The following MRPL22 variants were observed in gnomAD, a reference collection of about 807,000 sequenced individuals.
MRPL22 encodes the protein mitochondrial ribosomal protein L22.
A neutral mutation model predicts 32.4 loss-of-function variants in MRPL22; 27 were observed. The observed-to-expected ratio is 0.83, with a 90% CI of 0.61 to 1.15. The LOEUF (loss-of-function observed/expected upper bound fraction) is 1.15, where lower values mean the gene tolerates loss of function less well. Ranked by LOEUF, MRPL22 falls within the 50% of genes most tolerant of loss-of-function variation. MRPL22 has a pLI of 0.00. For synonymous variants in MRPL22, 86 were observed against 87.3 expected (o/e 0.99, Z 0.08); for missense variants, 239 against 260.2 (o/e 0.92, Z 0.56).
rs575076730 is a variant in MRPL22, at chr5:154,960,676, G to A, written c.409+627G>A. Among the ~76,000 whole-genome samples the A allele has an allele frequency of 8.3e-4, 127 of 152,306 alleles. 2 individuals carry two copies. The highest frequency in any genetic ancestry group is 6.8e-3 in the Middle Eastern group (2 of 294). ...AATGCTTTGGGAAGCATGATGTGCT[G>A]TACAAATGTAAGGAATCTTTTTGCT... On this transcript the variant is annotated intron_variant, in intron 6 of 6. Transcript: ENST00000523037.
At chr5:154,965,819 C>G (rs1263752009) in intron 6 of MRPL22, among the ~76,000 whole-genome samples, 1 of 152,128 alleles carries the variant, frequency 6.6e-6, no homozygotes, top group Admixed American at 6.5e-5. Context: ...TGCCAGAGTT[C>G]CTAAAACTGG....
chr5:154,951,183 C>A (rs1356885038), intron 3 of MRPL22, among the ~76,000 whole-genome samples: 1 of 152,200 alleles, frequency 6.6e-6, no homozygotes, highest in South Asian at 2.1e-4. Flanking sequence ...TTAAGACATA[C>A]TGATTTTTGA....
intron 6 of MRPL22, among the ~76,000 whole-genome samples, chr5:154,960,382 T>G (rs558536891): frequency 4.1e-4 from 63 of 152,316 alleles, no homozygotes; most frequent in African/African-American, 1.4e-3. Flanking sequence ...TTAAAGTTGT[T>G]TGTCAACCAG....
chr5:154,954,499 C>T (rs1764607045), intron 3 of MRPL22, among the ~76,000 whole-genome samples: 1 of 152,206 alleles, frequency 6.6e-6, no homozygotes, highest in African/African-American at 2.4e-5. Flanking sequence ...ACTAGGTCTT[C>T]TGACCTCCAC....
chr5:154,941,314 A>G (rs1281973156), intron 2 of MRPL22, 49 bp downstream of exon 2: 2 of 1,609,826 alleles, frequency 1.2e-6, no homozygotes, highest in Non-Finnish European at 8.5e-7. Context: ...CATCTTTAGT[A>G]TTCTGCCAGT....
At position 154,968,765 on chromosome 5, in the gene MRPL22, T is replaced by G. The variant is rs1464247949; in HGVS notation, c.*1868T>G. On this transcript the variant is annotated 3_prime_UTR_variant, in exon 7 of 7. Coordinates refer to ENST00000523037, the MANE Select transcript of MRPL22 (RefSeq NM_014180.4). ...CCATGGACATCATAAATATAAATTA[T>G]GTAAGTGAAGGCACTGCTTCAGTCA... The G allele has an allele frequency of 6.6e-6, 1 of 152,146 alleles. No homozygotes were observed. The highest frequency in any genetic ancestry group is 1.9e-4 in the East Asian group (1 of 5,204). The allele number at this position is 152,146 out of a possible 1,614,324, so 9.4% of individuals were successfully genotyped here. A position where few individuals can be genotyped will look rare whatever the true frequency, so the allele number is the denominator to read the frequency against.
chr5:154,950,188 A>G (rs768942210), intron 2 of MRPL22, among the ~76,000 whole-genome samples: 1 of 152,150 alleles, frequency 6.6e-6, no homozygotes, highest in Non-Finnish European at 1.5e-5. Context: ...TTAAACCATC[A>G]GATCTCATGA....
In MRPL22 at chr5:154,957,271, G is replaced by A. The variant is rs1305480865; in HGVS notation, c.339+59G>A. On this transcript the variant is annotated intron_variant, in intron 5 of 6. Transcript: ENST00000523037. ...GGGAACTGGGGAATGCAGCTGTCTT[G>A]CAATTATTAGTAAGCTTAGCCTAAA... 6.5e-6 allele frequency: 9 copies of A among 1,378,756 alleles called. No individual in the cohort carries two copies. In the Admixed American group the frequency reaches 1.2e-4, roughly 18 times the overall value. The allele number at this position is 1,378,756 out of a possible 1,614,324, so 85.4% of individuals were successfully genotyped here.
chr5:154,959,899 A>C, intron 5 of MRPL22, 81 bp from the exon 6 acceptor site: 1 of 912,942 alleles, frequency 1.1e-6, no homozygotes, highest in South Asian at 1.5e-5. Flanking sequence ...GTCATAGTAC[A>C]GAGATAATGA....
chr5:154,968,131 A>T lies in MRPL22; in HGVS notation c.*1234A>T, dbSNP rs1047234075. ...AATAAACCGAAGCACACAGAATTCA[A>T]ATAACTATCACAAGTCACACAGCAT... On this transcript the variant is annotated 3_prime_UTR_variant, in exon 7 of 7. Transcript: ENST00000523037. The T allele has an allele frequency of 3.3e-5, 5 of 152,244 alleles. No homozygotes were observed. The highest frequency in any genetic ancestry group is 1.2e-4 in the African/African-American group (5 of 41,470). 9.4% of individuals were successfully genotyped at this position (152,244 alleles called of 1,614,324 possible).
rs567759349 is a variant in MRPL22, at chr5:154,941,885, G to A, written c.77+620G>A. On this transcript the variant is annotated intron_variant, in intron 2 of 6. Coordinates refer to ENST00000523037, the MANE Select transcript of MRPL22 (RefSeq NM_014180.4). ...TATTTCTCCCCAAAATAAAAAATCG[G>A]TATTTGAAAATTGATAATCTGATTG... Among the ~76,000 whole-genome samples the A allele has an allele frequency of 3.4e-4, 52 of 152,236 alleles. 1 individual carries two copies. The highest frequency in any genetic ancestry group is 1.2e-3 in the African/African-American group (51 of 41,530).
At chr5:154,966,059 C>T (rs1300742001) in intron 6 of MRPL22, among the ~76,000 whole-genome samples, 1 of 152,222 alleles carries the variant, frequency 6.6e-6, no homozygotes. Flanking sequence ...ATAAAAAACT[C>T]CTTGCCTGAG....
intron 3 of MRPL22, among the ~76,000 whole-genome samples, chr5:154,954,121 C>A (rs2113538850): frequency 6.6e-6 from 1 of 151,938 alleles, no homozygotes; most frequent in African/African-American, 2.4e-5. Flanking sequence ...TCCTGAGTAG[C>A]TGGGACCACA....
intron 2 of MRPL22, among the ~76,000 whole-genome samples, chr5:154,947,549 T>C (rs1582688241): frequency 1.3e-5 from 2 of 152,332 alleles, no homozygotes; most frequent in South Asian, 4.1e-4. Context: ...AGGTTTTGTT[T>C]GCCAAGTAAA....
intron 5 of MRPL22, among the ~76,000 whole-genome samples, chr5:154,958,395 A>G (rs1335705138): frequency 2.0e-5 from 3 of 152,096 alleles, no homozygotes; most frequent in Non-Finnish European, 4.4e-5. Context: ...TCAGACTTCT[A>G]AAGGGTTCCT....
intron 6 of MRPL22, among the ~76,000 whole-genome samples, chr5:154,962,518 G>T (rs73280724): frequency 6.6e-6 from 1 of 152,122 alleles, no homozygotes; most frequent in African/African-American, 2.4e-5. Flanking sequence ...TTCAGCAATG[G>T]TTCTTTCAGT....
At chr5:154,945,816 T>C (rs1764482124) in intron 2 of MRPL22, among the ~76,000 whole-genome samples, 1 of 152,248 alleles carries the variant, frequency 6.6e-6, no homozygotes, top group Non-Finnish European at 1.5e-5. Flanking sequence ...AGAATTTGTC[T>C]GTATTTTCTG....
At chr5:154,941,320 C>T in intron 2 of MRPL22, 55 bp downstream of exon 2, 1 of 1,607,262 alleles carries the variant, frequency 6.2e-7, no homozygotes. Flanking sequence ...TAGTATTCTG[C>T]CAGTTGGTAA....
chr5:154,947,510 G>A (rs1764507327), intron 2 of MRPL22, among the ~76,000 whole-genome samples: 1 of 152,116 alleles, frequency 6.6e-6, no homozygotes, highest in Non-Finnish European at 1.5e-5. Context: ...TTGAGTCTTT[G>A]GTCTAAATGG....
Sources: allele counts gnomAD v4.1 joint callset (sites outside exome capture counted in the v4.1 genomes callset), GRCh38; gene constraint gnomAD v4.1.1; transcripts MANE v1.5; gene names NCBI Gene and HGNC (gene_info 2026-07-23, HGNC 2026-07-21).